INSYN2B: variants seen among roughly 807,000 people sequenced by gnomAD.
The protein encoded by INSYN2B is inhibitory synaptic factor family member 2B, also known as protein INSYN2B.
In INSYN2B, 16 loss-of-function variants were observed where a neutral mutation model predicts 41.2. The observed-to-expected ratio is 0.39, with a 90% CI of 0.26 to 0.59. The LOEUF (loss-of-function observed/expected upper bound fraction) is 0.59, where lower values mean the gene tolerates loss of function less well. Ranked by LOEUF, INSYN2B falls within the 20% of genes least tolerant of loss-of-function variation. The pLI is 0.57. For missense variants in INSYN2B, 608 were observed against 646.4 expected (o/e 0.94, Z 0.64); for synonymous variants, 245 against 244.4 (o/e 1.00, Z -0.02).
Position 169,862,260 on chromosome 5 carries a change from A to G in INSYN2B, c.*2013T>C, listed in dbSNP as rs993834793. Among the ~76,000 whole-genome samples the G allele has an allele frequency of 2.0e-5, 3 of 152,244 alleles. No homozygotes were observed. Among genetic ancestry groups the G allele is most frequent in the Non-Finnish European group, 2.9e-5 (2 of 68,038 alleles). On this transcript the variant is annotated 3_prime_UTR_variant, in exon 4 of 4. Coordinates refer to ENST00000377365, the MANE Select transcript of INSYN2B (RefSeq NM_001129891.3). ...AAATTTAAGCCATTTGCCAAAGGCT[A>G]GTGGTATAGACTGCTTGGTTGCCTG...
Position 169,883,320 on chromosome 5 carries a change from C to T in INSYN2B, c.579G>A (p.Arg193=). Residue 193 remains arginine, a synonymous_variant, in exon 2 of 4, where the codon AGG becomes AGA. Coordinates refer to ENST00000377365, the MANE Select transcript of INSYN2B (RefSeq NM_001129891.3). The stretch of plus-strand genomic sequence containing the variant: ...TGGCAGCTGTGGCTTTCTCTAAGGA[C>T]CTCCAAGTTCCTGCTTCCAAGCATA... ...VSICLEAGTW[R]SLEKATAAIQ... The T allele has an allele frequency of 6.4e-7, 1 of 1,551,580 alleles. No individual in the cohort carries two copies. Among genetic ancestry groups the T allele is most frequent in the Non-Finnish European group, 8.7e-7 (1 of 1,146,918 alleles).
At chr5:169,954,027 G>C (rs1383715552) in intron 1 of INSYN2B, among the ~76,000 whole-genome samples, 2 of 152,188 alleles carry the variant, frequency 1.3e-5, no homozygotes, top group African/African-American at 4.8e-5. Context: ...CTATACTCTG[G>C]TTCTAGAGCA....
chr5:169,956,037 T>C (rs1481682671), intron 1 of INSYN2B, among the ~76,000 whole-genome samples: 1 of 149,050 alleles, frequency 6.7e-6, no homozygotes, highest in Non-Finnish European at 1.5e-5. Flanking sequence ...AGACATAGAT[T>C]TGAAAAAAAA....
rs1335408960 is a variant in INSYN2B, at chr5:169,884,046, C to T, written c.-148G>A. 1.5e-6 allele frequency: 1 copy of T among 650,108 alleles called. No homozygotes were observed. Among genetic ancestry groups the T allele is most frequent in the South Asian group, 4.1e-5 (1 of 24,240 alleles). 40.3% of individuals were successfully genotyped at this position (650,108 alleles called of 1,614,324 possible). On this transcript the variant is annotated 5_prime_UTR_variant, in exon 2 of 4. Coordinates refer to ENST00000377365, the MANE Select transcript of INSYN2B (RefSeq NM_001129891.3). ...GTCCTCTCCTCTTAGTATGGGAAATCCTGTTGGCCATTCCCAGCCTCTAGA... is the reference window on the plus strand; with the variant it reads ...GTCCTCTCCTCTTAGTATGGGAAATTCTGTTGGCCATTCCCAGCCTCTAGA...
Position 169,863,253 on chromosome 5 carries a change from G to A in INSYN2B, c.*1020C>T, listed in dbSNP as rs1009998350. On this transcript the variant is annotated 3_prime_UTR_variant, in exon 4 of 4. Transcript: ENST00000377365. The stretch of plus-strand genomic sequence containing the variant: ...CTAGTTTTTCAATCAGGTGACCATT[G>A]TCTGGTCACCAGGAAGGGAGACTGT... 6.6e-6 allele frequency among the ~76,000 whole-genome samples: 1 copy of A among 152,122 alleles called. No individual in the cohort carries two copies. The highest frequency in any genetic ancestry group is 2.4e-5 in the African/African-American group (1 of 41,416).
chr5:169,875,153 A>G (rs778972993), intron 3 of INSYN2B: 12 of 453,884 alleles, frequency 2.6e-5, no homozygotes, highest in Admixed American at 9.5e-5. Context: ...TAGTAAATCA[A>G]GTATCTTCTT....
rs532843277 is a variant in INSYN2B, at chr5:169,980,276, C to T, written c.-919+1G>A. The T allele has an allele frequency of 6.6e-6, 1 of 152,194 alleles. No homozygotes were observed. The highest frequency in any genetic ancestry group is 1.5e-5 in the Non-Finnish European group (1 of 68,034). 9.4% of individuals were successfully genotyped at this position (152,194 alleles called of 1,614,324 possible). A position where few individuals can be genotyped will look rare whatever the true frequency, so the allele number is the denominator to read the frequency against. Reference sequence around the variant, plus strand: ...AAATAAAACCTACCCACATCTCTTACCTTGAAGCAGTGGAATTACCTGCAG... The same window carrying T: ...AAATAAAACCTACCCACATCTCTTATCTTGAAGCAGTGGAATTACCTGCAG... On this transcript the variant is annotated splice_donor_variant, in intron 1 of 3. Coordinates refer to ENST00000377365, the MANE Select transcript of INSYN2B (RefSeq NM_001129891.3). LOFTEE classifies it low-confidence loss of function (5UTR_SPLICE).
At chr5:169,898,461 A>G (rs1194125518) in intron 1 of INSYN2B, among the ~76,000 whole-genome samples, 1 of 152,098 alleles carries the variant, frequency 6.6e-6, no homozygotes, top group Non-Finnish European at 1.5e-5. Flanking sequence ...CAACTCTTTG[A>G]GCCTCAGTTT....
chr5:169,867,581 G>T (rs570319921), intron 3 of INSYN2B, among the ~76,000 whole-genome samples: 3 of 151,644 alleles, frequency 2.0e-5, no homozygotes, highest in Admixed American at 6.6e-5. Context: ...TCATCTATCT[G>T]TCATCTATCG....
intron 1 of INSYN2B, among the ~76,000 whole-genome samples, chr5:169,926,631 A>G (rs923694573): frequency 1.3e-5 from 2 of 152,230 alleles, no homozygotes; most frequent in African/African-American, 4.8e-5. Context: ...ATGCATTAGA[A>G]TGCATTATGC....
intron 1 of INSYN2B, among the ~76,000 whole-genome samples, chr5:169,905,546 G>GC (rs982919990): frequency 1.3e-5 from 2 of 152,134 alleles, no homozygotes; most frequent in African/African-American, 4.8e-5. Flanking sequence ...ATAATTTAAT[G>GC]CCCCCACCTC....
chr5:169,944,936 C>A (rs1297546446), intron 1 of INSYN2B, among the ~76,000 whole-genome samples: 1 of 152,208 alleles, frequency 6.6e-6, no homozygotes, highest in South Asian at 2.1e-4. Flanking sequence ...GTTCTAACTT[C>A]TTTCTCCCTT....
intron 1 of INSYN2B, among the ~76,000 whole-genome samples, chr5:169,961,978 C>CTAAA (rs1777104664): frequency 1.3e-5 from 1 of 74,654 alleles, no homozygotes; most frequent in African/African-American, 6.8e-5. Flanking sequence ...GACTCTGTCC[C>CTAAA]AAAAAAAAAA....
Position 169,883,210 on chromosome 5 carries a change from C to G in INSYN2B, c.689G>C (p.Ser230Thr). The G allele has an allele frequency of 1.3e-6, 2 of 1,551,622 alleles. No individual in the cohort carries two copies. Among genetic ancestry groups the G allele is most frequent in the Non-Finnish European group, 8.7e-7 (1 of 1,146,928 alleles). Residue 230 changes from serine to threonine, a missense_variant, in exon 2 of 4, where the codon AGT becomes ACT. Coordinates refer to ENST00000377365, the MANE Select transcript of INSYN2B (RefSeq NM_001129891.3). ...ALSPDRSAEV[S>T]NSIHPLDDTR... Reference sequence around the variant, plus strand: ...GTCATCCAAAGGGTGTATGGAGTTACTTACTTCAGCTGACCTGTCTGGGCT... The same window carrying G: ...GTCATCCAAAGGGTGTATGGAGTTAGTTACTTCAGCTGACCTGTCTGGGCT...
At chr5:169,945,661 C>T (rs1209794181) in intron 1 of INSYN2B, among the ~76,000 whole-genome samples, 1 of 152,218 alleles carries the variant, frequency 6.6e-6, no homozygotes, top group Non-Finnish European at 1.5e-5. Context: ...CCTCTTCACA[C>T]GGGTACTAGG....
intron 1 of INSYN2B, among the ~76,000 whole-genome samples, chr5:169,900,162 A>G (rs768916674): frequency 2.6e-5 from 4 of 152,260 alleles, no homozygotes; most frequent in Non-Finnish European, 5.9e-5. Flanking sequence ...AAAGGAGGAG[A>G]TGGGCAGGTA....
chr5:169,874,969 C>G (rs979984973), intron 3 of INSYN2B, among the ~76,000 whole-genome samples: 1 of 152,106 alleles, frequency 6.6e-6, no homozygotes, highest in African/African-American at 2.4e-5. Flanking sequence ...CCTCCATTCT[C>G]ACCTTTACCC....
intron 1 of INSYN2B, among the ~76,000 whole-genome samples, chr5:169,955,605 G>T (rs1451271341): frequency 1.3e-5 from 2 of 152,188 alleles, no homozygotes; most frequent in African/African-American, 2.4e-5. Flanking sequence ...TGGTCCTTAA[G>T]GTTCTGAGGA....
At chr5:169,946,006 C>A (rs955766869) in intron 1 of INSYN2B, among the ~76,000 whole-genome samples, 1 of 152,152 alleles carries the variant, frequency 6.6e-6, no homozygotes, top group South Asian at 2.1e-4. Context: ...GCCATCCCCT[C>A]CTCCCTGCTT....
Sources: allele counts gnomAD v4.1 joint callset (sites outside exome capture counted in the v4.1 genomes callset), GRCh38; gene constraint gnomAD v4.1.1; transcripts MANE v1.5; gene names NCBI Gene and HGNC (gene_info 2026-07-23, HGNC 2026-07-21).